The following NBEA variants were observed in gnomAD, a reference collection of about 807,000 sequenced individuals.
The protein encoded by NBEA is neurobeachin.
Under a neutral mutation model 343.4 loss-of-function variants are expected in NBEA, and 44 were observed. That is an observed-to-expected ratio of 0.13 (90% CI 0.10 to 0.16). The LOEUF is 0.16. Ranked by LOEUF, NBEA falls within the 10% of genes least tolerant of loss-of-function variation. The pLI is 1.00. For synonymous variants in NBEA, 1,175 were observed against 1,238.7 expected (o/e 0.95, Z 1.08); for missense variants, 2,555 against 3,631.3 (o/e 0.70, Z 7.62).
At chr13:35,252,643 C>T (rs972712777) in intron 34 of NBEA, among the ~76,000 whole-genome samples, 2 of 152,042 alleles carry the variant, frequency 1.3e-5, no homozygotes, top group African/African-American at 2.4e-5. Flanking sequence ...GTAGCTGAAC[C>T]GAGAAGGCAG....
chr13:34,955,361 GAA>G (rs1566087377), intron 1 of NBEA, among the ~76,000 whole-genome samples: 1 of 152,010 alleles, frequency 6.6e-6, no homozygotes, highest in East Asian at 1.9e-4. Context: ...CAAATAACTT[GAA>G]ATTCAGAACA....
At chr13:35,616,013 C>T (rs1253870342) in intron 48 of NBEA, among the ~76,000 whole-genome samples, 2 of 152,148 alleles carry the variant, frequency 1.3e-5, no homozygotes, top group Non-Finnish European at 2.9e-5. Flanking sequence ...GTGTGTCCTC[C>T]TTCAATTCTA....
At chr13:35,117,067 G>T (rs2066531423) in intron 13 of NBEA, among the ~76,000 whole-genome samples, 1 of 151,492 alleles carries the variant, frequency 6.6e-6, no homozygotes, top group African/African-American at 2.4e-5. Context: ...ATTGAGAGTG[G>T]AAGACATATT....
At chr13:35,509,105 T>TGGTCTGACCTG in intron 41 of NBEA, among the ~76,000 whole-genome samples, 1 of 152,334 alleles carries the variant, frequency 6.6e-6, no homozygotes, top group South Asian at 2.1e-4. Context: ...ATTGTGTCTC[T>TGGTCTGACCTG]TGTCTGACCT....
intron 38 of NBEA, among the ~76,000 whole-genome samples, chr13:35,397,389 A>G (rs2042795611): frequency 6.6e-6 from 1 of 152,166 alleles, no homozygotes; most frequent in South Asian, 2.1e-4. Flanking sequence ...ACTGTATATA[A>G]TATTTCTAGT....
At chr13:35,215,141 AATTTTAGAAGTGACTTGT>A (rs2073997997) in intron 33 of NBEA, among the ~76,000 whole-genome samples, 1 of 151,610 alleles carries the variant, frequency 6.6e-6, no homozygotes, top group Non-Finnish European at 1.5e-5. Flanking sequence ...TTTTCATGTA[AATTTTAGAAGTGACTTGT>A]CAATTCTAAA....
chr13:34,945,731 C>T (rs944498896), intron 1 of NBEA, among the ~76,000 whole-genome samples: 3 of 152,062 alleles, frequency 2.0e-5, no homozygotes, highest in Admixed American at 2.0e-4. Context: ...TCTCAGTCGC[C>T]TTTGTCAGTA....
chr13:35,057,225 C>T (rs1006209930), intron 7 of NBEA, among the ~76,000 whole-genome samples: 3 of 152,116 alleles, frequency 2.0e-5, no homozygotes, highest in African/African-American at 4.8e-5. Context: ...TTGTTTGCAT[C>T]TCTCTAGGCT....
intron 44 of NBEA, among the ~76,000 whole-genome samples, chr13:35,563,088 A>G (rs142931666): frequency 6.6e-5 from 10 of 151,980 alleles, no homozygotes; most frequent in East Asian, 1.9e-4. Context: ...ATAAATTCTT[A>G]TAAGCATAGT....
rs7330478 is a variant in NBEA, at chr13:35,305,635, T to C, written c.5839-3893T>C. On this transcript the variant is annotated intron_variant, in intron 35 of 58. Transcript: ENST00000379939. Reference sequence around the variant, plus strand: ...TGGCTGCCAACAGTGTTCCAGACAATTGCAACATAGTATGACTCCCAGGAT... The same window carrying C: ...TGGCTGCCAACAGTGTTCCAGACAACTGCAACATAGTATGACTCCCAGGAT... 9.0e-3 allele frequency among the ~76,000 whole-genome samples: 1,369 copies of C among 152,172 alleles called. 19 individuals carry two copies. Among genetic ancestry groups the C allele is most frequent in the African/African-American group, 0.031 (1,293 of 41,502 alleles).
At chr13:35,434,033 T>TAC (rs1260038012) in intron 39 of NBEA, among the ~76,000 whole-genome samples, 1 of 152,114 alleles carries the variant, frequency 6.6e-6, no homozygotes, top group African/African-American at 2.4e-5. Flanking sequence ...GCTTTAATTG[T>TAC]ACAGAATTCA....
chr13:35,646,982 C>T (rs2084268889), intron 51 of NBEA, among the ~76,000 whole-genome samples: 1 of 152,144 alleles, frequency 6.6e-6, no homozygotes, highest in South Asian at 2.1e-4. Flanking sequence ...TACTGTATAG[C>T]ACTTAGACCA....
intron 45 of NBEA, among the ~76,000 whole-genome samples, chr13:35,569,815 A>G (rs577071054): frequency 6.6e-6 from 1 of 152,330 alleles, no homozygotes; most frequent in Non-Finnish European, 1.5e-5. Flanking sequence ...TTTGGACTCA[A>G]ATGTTCTTGA....
chr13:35,646,369 G>C, intron 51 of NBEA, 21 bp downstream of exon 51: 1 of 1,588,302 alleles, frequency 6.3e-7, no homozygotes, highest in South Asian at 1.1e-5. Context: ...TCAGCATGTT[G>C]AGATTTTTTT....
At chr13:35,059,319 A>C (rs1414017948) in intron 8 of NBEA, among the ~76,000 whole-genome samples, 1 of 151,950 alleles carries the variant, frequency 6.6e-6, no homozygotes, top group African/African-American at 2.4e-5. Flanking sequence ...AATTGCACTA[A>C]GTGAGGAAGT....
chr13:35,323,714 TAATAAATA>T (rs939504458), intron 36 of NBEA, among the ~76,000 whole-genome samples: 33 of 151,752 alleles, frequency 2.2e-4, no homozygotes, highest in Non-Finnish European at 4.6e-4. Context: ...TAAAGTATAA[TAATAAATA>T]AATAAATAAA....
chr13:35,147,122 A>G (rs1253792573), intron 18 of NBEA, among the ~76,000 whole-genome samples: 1 of 152,166 alleles, frequency 6.6e-6, no homozygotes, highest in Non-Finnish European at 1.5e-5. Context: ...ACAAGTCACC[A>G]TATGATTTCT....
At chr13:35,416,969 G>A (rs1043867379) in intron 38 of NBEA, among the ~76,000 whole-genome samples, 4 of 152,086 alleles carry the variant, frequency 2.6e-5, no homozygotes, top group African/African-American at 9.7e-5. Flanking sequence ...TCTTGGGAGG[G>A]TGTATGTGTT....
intron 1 of NBEA, among the ~76,000 whole-genome samples, chr13:34,965,307 C>A (rs1165921742): frequency 6.6e-6 from 1 of 151,920 alleles, no homozygotes; most frequent in Non-Finnish European, 1.5e-5. Flanking sequence ...TGTGTTCAGG[C>A]CTTAGTGGTA....
Sources: allele counts gnomAD v4.1 joint callset (sites outside exome capture counted in the v4.1 genomes callset), GRCh38; gene constraint gnomAD v4.1.1; transcripts MANE v1.5; gene names NCBI Gene and HGNC (gene_info 2026-07-23, HGNC 2026-07-21).